SRP19: variants seen among roughly 807,000 people sequenced by gnomAD.
The protein encoded by SRP19 is signal recognition particle 19.
SRP19 carries 11 observed loss-of-function variants against 22.4 expected under a neutral mutation model. That is an observed-to-expected ratio of 0.49 (90% CI 0.31 to 0.81). The LOEUF is 0.81. SRP19 is among the 40% of genes least tolerant of loss of function. The probability of loss-of-function intolerance (pLI) is 0.05; values close to 1 mark genes in which losing one functional copy is unlikely to be tolerated. For missense variants in SRP19, 168 were observed against 175.9 expected, an observed-to-expected ratio of 0.96 and a Z score of 0.25; for synonymous variants, 61 against 57.6, an observed-to-expected ratio of 1.06 and a Z score of -0.27.
At chr5:112,897,464 T>G (rs1679899480), downstream of SRP19, 1 of 151,944 alleles carries the variant, frequency 6.6e-6, no homozygotes, top group Non-Finnish European at 1.5e-5. Flanking sequence ...TAGAACAGAA[T>G]CTGGCACATG....
At chr5:112,892,915 C>G (rs750248730) in exon 5 of SRP19, 5 of 1,607,452 alleles carry the variant, frequency 3.1e-6, no homozygotes, top group Non-Finnish European at 4.3e-6. Flanking sequence ...GCACAATTCA[C>G]CAAGCAGAGG....
At position 112,864,492 on chromosome 5, in the gene SRP19, T is replaced by A. The variant is rs1214645724; in HGVS notation, c.153T>A (p.Asp51Glu). The A allele has an allele frequency of 2.5e-6, 4 of 1,613,968 alleles. No homozygotes were observed. In the East Asian group the frequency reaches 8.9e-5, roughly 36 times the overall value. ...ATCCTACAGCTACAGAGATTCAAGATGTATGTTCAGCAGTTGGACTTAACG... is the reference window on the plus strand; with the variant it reads ...ATCCTACAGCTACAGAGATTCAAGAAGTATGTTCAGCAGTTGGACTTAACG... ...VENPTATEIQDVCSAVGLNVF... is the reference protein window; with the variant it reads ...VENPTATEIQEVCSAVGLNVF... Residue 51 changes from aspartate to glutamate, a missense_variant, in exon 3 of 5, where the codon GAT becomes GAA. By Grantham distance (45) the Asp-to-Glu change is conservative. Coordinates refer to ENST00000505459, the MANE Select transcript of SRP19 (RefSeq NM_003135.3).
At chr5:112,888,897 A>ATATCTCAC in intron 4 of SRP19, among the ~76,000 whole-genome samples, 1 of 150,772 alleles carries the variant, frequency 6.6e-6, no homozygotes. Flanking sequence ...TGTGTTGTGG[A>ATATCTCAC]AAGGACAGGG....
intron 4 of SRP19, among the ~76,000 whole-genome samples, chr5:112,879,611 C>T (rs890086634): frequency 5.3e-5 from 8 of 152,022 alleles, no homozygotes; most frequent in Non-Finnish European, 1.0e-4. Context: ...GTAGCTGGGA[C>T]TACATGCACT....
rs58737941 is a variant in SRP19 at position 112,881,128 on chromosome 5, CAAAAAAA to C, written c.302-10458_302-10452del. On this transcript the variant is annotated intron_variant, in intron 4 of 4. Coordinates refer to the SRP19 transcript ENST00000391338. ...TGGGCAACAGAGTGAGACTCTGTTT[CAAAAAAA>C]AAAAAAAAAAAAAAAAGCTGGCAAT... is the stretch of plus-strand genomic sequence containing the variant. 3.4e-3 allele frequency among the ~76,000 whole-genome samples: 227 copies of C among 67,222 alleles called. 2 individuals carry two copies. Among genetic ancestry groups the C allele is most frequent in the African/African-American group, 0.013 (210 of 16,454 alleles). 44.1% of individuals were successfully genotyped at this position (67,222 alleles called of 152,430 possible). A position where few individuals can be genotyped will look rare whatever the true frequency, so the allele number is the denominator to read the frequency against.
intron 4 of SRP19, among the ~76,000 whole-genome samples, chr5:112,884,090 C>G (rs1176715098): frequency 6.6e-6 from 1 of 152,250 alleles, no homozygotes; most frequent in Non-Finnish European, 1.5e-5. Context: ...CCCCTTCAGT[C>G]TGTTCCTAAT....
chr5:112,875,361 T>G (rs1430923432), intron 4 of SRP19, among the ~76,000 whole-genome samples: 1 of 127,930 alleles, frequency 7.8e-6, no homozygotes, highest in Admixed American at 8.9e-5. Flanking sequence ...TACGTTTTGT[T>G]TTTGTTTTTG....
chr5:112,888,075 C>CA (rs1427853740), intron 4 of SRP19, among the ~76,000 whole-genome samples: 5 of 152,106 alleles, frequency 3.3e-5, no homozygotes, highest in East Asian at 1.9e-4. Flanking sequence ...GGTGACTCTA[C>CA]AAAAAAACAG....
At chr5:112,885,860 G>A (rs1561647693) in intron 4 of SRP19, 1 of 196,858 alleles carries the variant, frequency 5.1e-6, no homozygotes, top group Non-Finnish European at 1.1e-5. Flanking sequence ...TGATCACCCA[G>A]AATTCGTGGT....
In SRP19 at chr5:112,864,386, T is replaced by C. The variant is rs1325663817; in HGVS notation, c.118-71T>C. ...CTTGTTTGATTATAGTATTTGAAATTATTTACCCAACACTATGGCAGTGTC... is the reference window on the plus strand; with the variant it reads ...CTTGTTTGATTATAGTATTTGAAATCATTTACCCAACACTATGGCAGTGTC... On this transcript the variant is annotated intron_variant, in intron 2 of 4. Coordinates refer to ENST00000505459, the MANE Select transcript of SRP19 (RefSeq NM_003135.3). The C allele has an allele frequency of 1.5e-5, 20 of 1,312,272 alleles. No individual in the cohort carries two copies. In the East Asian group the frequency reaches 4.4e-4, roughly 29 times the overall value. The allele number at this position is 1,312,272 out of a possible 1,614,324, so 81.3% of individuals were successfully genotyped here. A position where few individuals can be genotyped will look rare whatever the true frequency, so the allele number is the denominator to read the frequency against.
intron 4 of SRP19, chr5:112,878,659 A>G: frequency 7.4e-7 from 1 of 1,351,204 alleles, no homozygotes; most frequent in Non-Finnish European, 1.0e-6. Flanking sequence ...AACACATTCC[A>G]ATCTTTAATA....
intron 4 of SRP19, chr5:112,885,551 T>C (rs1768217561): frequency 8.2e-6 from 2 of 245,300 alleles, no homozygotes; most frequent in Admixed American, 4.2e-5. Context: ...AAACATCAAC[T>C]ACCTTCCCAG....
At position 112,890,348 on chromosome 5, in the gene SRP19, T is replaced by TA. The variant is rs1033200848; in HGVS notation, c.302-1252dup. Among the ~76,000 whole-genome samples, 16 of 143,720 alleles carry TA rather than the reference T, an allele frequency of 1.1e-4. 1 individual carries two copies. Among genetic ancestry groups the TA allele is most frequent in the Admixed American group, 1.1e-3 (16 of 14,528 alleles). The allele number at this position is 143,720 out of a possible 152,430, so 94.3% of individuals were successfully genotyped here. A position where few individuals can be genotyped will look rare whatever the true frequency, so the allele number is the denominator to read the frequency against. Reference sequence around the variant, plus strand: ...CCTAGAAATTAGTAAGAATACAGAATAAAGAACACAAAATTTAAGTCTTTT... The same window carrying TA: ...CCTAGAAATTAGTAAGAATACAGAATAAAAGAACACAAAATTTAAGTCTTTT... On this transcript the variant is annotated intron_variant, in intron 4 of 4. Transcript: ENST00000391338.
chr5:112,881,948 T>C (rs1561646046), intron 4 of SRP19: 1 of 151,716 alleles, frequency 6.6e-6, no homozygotes, highest in African/African-American at 2.4e-5. Flanking sequence ...TGTTTTTTTT[T>C]TTTTGTAGAG....
chr5:112,870,013 AATAAT>A (rs1767722882), downstream of SRP19, among the ~76,000 whole-genome samples: 1 of 151,396 alleles, frequency 6.6e-6, no homozygotes. Flanking sequence ...GAACAATTAT[AATAAT>A]ATACTATAAT....
At chr5:112,892,249 A>G (rs766355052) in exon 5 of SRP19, 1 of 1,614,010 alleles carries the variant, frequency 6.2e-7, no homozygotes, top group African/African-American at 1.3e-5. Context: ...ATCTAGTCCT[A>G]CCCTTCTTAT....
chr5:112,867,937 C>G lies in SRP19; in HGVS notation c.*400C>G. 1 of 988,166 alleles carries G rather than the reference C, an allele frequency of 1.0e-6. No homozygotes were observed. The highest frequency in any genetic ancestry group is 1.1e-4 in the East Asian group (1 of 8,926). 61.2% of individuals were successfully genotyped at this position (988,166 alleles called of 1,614,324 possible). A position where few individuals can be genotyped will look rare whatever the true frequency, so the allele number is the denominator to read the frequency against. On this transcript the variant is annotated 3_prime_UTR_variant, in exon 5 of 5. Coordinates refer to ENST00000505459, the MANE Select transcript of SRP19 (RefSeq NM_003135.3). ...TGCAGCTTTTGCTTATATACTAATGCTAGGAGAGGAGGGATAATTAAGAAT... is the reference window on the plus strand; with the variant it reads ...TGCAGCTTTTGCTTATATACTAATGGTAGGAGAGGAGGGATAATTAAGAAT...
Position 112,867,908 on chromosome 5 carries a change from C to T in SRP19, c.*371C>T. Reference sequence around the variant, plus strand: ...TTAATGAAATAAAATTTGAAACTGACTTTTGCAGCTTTTGCTTATATACTA... The same window carrying T: ...TTAATGAAATAAAATTTGAAACTGATTTTTGCAGCTTTTGCTTATATACTA... On this transcript the variant is annotated 3_prime_UTR_variant, in exon 5 of 5. Transcript: ENST00000505459. The T allele has an allele frequency of 1.0e-6, 1 of 989,054 alleles. No homozygotes were observed. The highest frequency in any genetic ancestry group is 1.2e-6 in the Non-Finnish European group (1 of 831,528). 61.3% of individuals were successfully genotyped at this position (989,054 alleles called of 1,614,324 possible).
At chr5:112,873,688 C>CT (rs1767809743), downstream of SRP19, among the ~76,000 whole-genome samples, 1 of 152,054 alleles carries the variant, frequency 6.6e-6, no homozygotes, top group Non-Finnish European at 1.5e-5. Context: ...TGCATGTTCC[C>CT]TTTTTCTAGC....
Sources: gnomAD v4.1 joint callset for allele counts (sites outside exome capture counted in the v4.1 genomes callset) on GRCh38, gnomAD v4.1.1 for gene constraint, MANE v1.5 for transcripts, NCBI Gene and HGNC (gene_info 2026-07-23, HGNC 2026-07-21) for gene names.